Variants in HSP90B1 observed in about 807,000 individuals in gnomAD.
HSP90B1 encodes the protein endoplasmin.
HSP90B1 carries 27 observed loss-of-function variants against 100.4 expected under a neutral mutation model. The ratio of observed to expected loss-of-function variants is 0.27; its 90% CI spans 0.20 to 0.37. The LOEUF (loss-of-function observed/expected upper bound fraction) is 0.37, where lower values mean the gene tolerates loss of function less well. Ranked by LOEUF, HSP90B1 falls within the 10% of genes least tolerant of loss-of-function variation. HSP90B1 has a pLI of 1.00. For synonymous variants in HSP90B1, 304 were observed against 330.8 expected, an observed-to-expected ratio of 0.92 and a Z score of 0.88; for missense variants, 678 against 960.5, an observed-to-expected ratio of 0.71 and a Z score of 3.89.
rs1440591391 is a variant in HSP90B1 at position 103,932,211 on chromosome 12, A to G, written c.153-66A>G. The G allele has an allele frequency of 1.9e-5, 26 of 1,368,848 alleles. 1 individual carries two copies. The South Asian group carries it at 2.1e-4, about 11-fold the overall frequency. The allele number at this position is 1,368,848 out of a possible 1,614,324, so 84.8% of individuals were successfully genotyped here. ...ATTCAGAGGCCCCTGTGCTTTCATC[A>G]TAATTCCTCTAGTTTTGAAGGGAAC... On this transcript the variant is annotated intron_variant, in intron 2 of 17. Coordinates refer to ENST00000299767, the MANE Select transcript of HSP90B1 (RefSeq NM_003299.3).
rs781550205 is a variant in HSP90B1 at position 103,934,318 on chromosome 12, A to G, written c.743+31A>G. The stretch of plus-strand genomic sequence containing the variant: ...TATGACCAATTCCTTATAAGAATTA[A>G]TAGTCATGGTGAGGATCTTGACTCT... On this transcript the variant is annotated intron_variant, in intron 5 of 17. Coordinates refer to ENST00000299767, the MANE Select transcript of HSP90B1 (RefSeq NM_003299.3). 3.3e-6 allele frequency: 5 copies of G among 1,528,552 alleles called. No homozygotes were observed. The East Asian group carries it at 9.0e-5, about 28-fold the overall frequency. 94.7% of individuals were successfully genotyped at this position (1,528,552 alleles called of 1,614,324 possible).
At position 103,932,388 on chromosome 12, in the gene HSP90B1, TATC is replaced by T; in HGVS notation, c.269_271del (p.Ile90del). On this transcript the variant is annotated inframe_deletion, in exon 3 of 18. Coordinates refer to ENST00000299767, the MANE Select transcript of HSP90B1 (RefSeq NM_003299.3). ...CCGAAGTTAACAGAATGATGAAACT[TATC>T]ATCAATTCATTGTATAAAAATAAAG... The T allele has an allele frequency of 6.2e-7, 1 of 1,612,680 alleles. No homozygotes were observed. The highest frequency in any genetic ancestry group is 8.5e-7 in the Non-Finnish European group (1 of 1,179,284).
chr12:103,931,467 C>A, intron 1 of HSP90B1, 54 bp from the exon 2 acceptor site: 2 of 1,402,924 alleles, frequency 1.4e-6, no homozygotes, highest in Non-Finnish European at 2.0e-6. Flanking sequence ...CCTATTTGAT[C>A]ATCCTCCTTG....
At chr12:103,931,983 G>A (rs1472411781) in intron 2 of HSP90B1, 1 of 451,946 alleles carries the variant, frequency 2.2e-6, no homozygotes, top group Admixed American at 3.6e-5. Flanking sequence ...CTTATTGACA[G>A]TTTTGAAGTC....
rs1361753541 is a variant in HSP90B1, at chr12:103,940,377, T to C, written c.1092+752T>C. ...TCTTTTATTGATCCCTTCTTGTAACTCTTAAGGATGCAAAACTAGCATTGA... is the reference window on the plus strand; with the variant it reads ...TCTTTTATTGATCCCTTCTTGTAACCCTTAAGGATGCAAAACTAGCATTGA... On this transcript the variant is annotated intron_variant, in intron 8 of 17. Transcript: ENST00000299767. Among the ~76,000 whole-genome samples, 3 of 152,134 alleles carry C rather than the reference T, an allele frequency of 2.0e-5. No individual in the cohort carries two copies. In the East Asian group the frequency reaches 5.8e-4, roughly 29 times the overall value.
chr12:103,938,560 T>G, intron 7 of HSP90B1, 101 bp downstream of exon 7: 1 of 1,325,570 alleles, frequency 7.5e-7, no homozygotes, highest in African/African-American at 1.5e-5. Flanking sequence ...TCAGCTTCAG[T>G]TCAGGTGCTA....
At chr12:103,947,008 C>G in intron 16 of HSP90B1, 67 bp downstream of exon 16, 3 of 1,497,126 alleles carry the variant, frequency 2.0e-6, no homozygotes, top group Non-Finnish European at 2.7e-6. Context: ...TCAGAATAGG[C>G]CTCTCATGAT....
intron 2 of HSP90B1, 90 bp from the exon 3 acceptor site, chr12:103,932,187 T>C (rs1052106681): frequency 7.0e-5 from 74 of 1,050,636 alleles, no homozygotes; most frequent in Middle Eastern, 3.2e-4. Context: ...CAAGACAATA[T>C]TCAGAGGCCC....
Position 103,933,982 on chromosome 12 carries a change from T to C in HSP90B1, c.438T>C (p.His146=), listed in dbSNP as rs1869835139. The C allele has an allele frequency of 5.0e-6, 8 of 1,613,740 alleles. No homozygotes were observed. In the East Asian group the frequency reaches 1.8e-4, roughly 36 times the overall value. ...IKCDKEKNLL[H]VTDTGVGMTR... is the part of the protein sequence containing the mutation. ...GTGATAAGGAGAAGAACCTGCTGCA[T>C]GTCACAGACACCGGTGTAGGAATGA... The change falls in exon 5 of 18, where the codon CAT becomes CAC. Residue 146 remains histidine (H), a synonymous_variant. Transcript: ENST00000299767.
intron 5 of HSP90B1, among the ~76,000 whole-genome samples, chr12:103,936,622 CAAAA>C (rs10611658): frequency 0.044 from 5,196 of 116,802 alleles, 347 homozygotes; most frequent in African/African-American, 0.15. Flanking sequence ...GACAGAGGTC[CAAAA>C]AAAAAAAAAA....
At chr12:103,946,163 T>C (rs997623947) in intron 14 of HSP90B1, among the ~76,000 whole-genome samples, 1 of 152,230 alleles carries the variant, frequency 6.6e-6, no homozygotes, top group Non-Finnish European at 1.5e-5. Flanking sequence ...TTTTTTATTT[T>C]TTTCTTGTTT....
At chr12:103,932,250 A>G (rs773603890) in intron 2 of HSP90B1, 27 bp from the exon 3 acceptor site, 18 of 1,587,686 alleles carry the variant, frequency 1.1e-5, no homozygotes, top group Non-Finnish European at 1.5e-5. Context: ...GCCATGCAAT[A>G]TTTGCTTACC....
Position 103,930,858 on chromosome 12 carries a change from C to A in HSP90B1, c.49+294C>A, listed in dbSNP as rs1869731145. Among the ~76,000 whole-genome samples the A allele has an allele frequency of 6.6e-6, 1 of 151,724 alleles. No individual in the cohort carries two copies. The highest frequency in any genetic ancestry group is 2.4e-5 in the African/African-American group (1 of 41,268). ...GGCTCTGGCTCCCCCGGGAGCTGTGCGAGTCCCTCCCCCCTCCCCGCCCGG... is the reference window on the plus strand; with the variant it reads ...GGCTCTGGCTCCCCCGGGAGCTGTGAGAGTCCCTCCCCCCTCCCCGCCCGG... On this transcript the variant is annotated intron_variant, in intron 1 of 17. Transcript: ENST00000299767. The surrounding 1 kb of genome is among the most constrained non-coding windows in gnomAD (Gnocchi z 4.4).
intron 17 of HSP90B1, 42 bp from the exon 18 acceptor site, chr12:103,947,591 C>A: frequency 6.4e-7 from 1 of 1,552,948 alleles, no homozygotes. Flanking sequence ...TTTTTTTCTG[C>A]TAACTTTTAA....
chr12:103,931,640 A>G lies in HSP90B1; in HGVS notation c.152+17A>G. The G allele has an allele frequency of 4.5e-6, 7 of 1,543,024 alleles. No individual in the cohort carries two copies. Among genetic ancestry groups the G allele is most frequent in the Non-Finnish European group, 5.4e-6 (6 of 1,116,306 alleles). ...AGTACAGAGGTTTGTGTTCATTTGAACTTACGTATACAGATAAGCCGTGTG... is the reference window on the plus strand; with the variant it reads ...AGTACAGAGGTTTGTGTTCATTTGAGCTTACGTATACAGATAAGCCGTGTG... On this transcript the variant is annotated intron_variant, in intron 2 of 17. Transcript: ENST00000299767.
In HSP90B1 at chr12:103,942,797, G is replaced by GTGA. The variant is rs1177807971; in HGVS notation, c.1644+2_1644+4dup. On this transcript the variant is annotated splice_donor_variant, in intron 12 of 17. Transcript: ENST00000299767. LOFTEE classifies it high-confidence loss of function. ...CATGGCTGGGTCCAGCAGAAAAGAGGTGAGATGAACTCATAAGTGTTGTCA... is the reference window on the plus strand; with the variant it reads ...CATGGCTGGGTCCAGCAGAAAAGAGGTGATGAGATGAACTCATAAGTGTTGTCA... 1.2e-6 allele frequency: 2 copies of GTGA among 1,613,722 alleles called. No individual in the cohort carries two copies. The highest frequency in any genetic ancestry group is 1.7e-6 in the Non-Finnish European group (2 of 1,179,726).
intron 14 of HSP90B1, among the ~76,000 whole-genome samples, chr12:103,945,380 A>G (rs1870196911): frequency 6.6e-6 from 1 of 152,200 alleles, no homozygotes; most frequent in Non-Finnish European, 1.5e-5. Flanking sequence ...ACACCAGGAT[A>G]GGGAAGGATG....
At position 103,941,312 on chromosome 12, in the gene HSP90B1, A is replaced by G. The variant is rs1870070298; in HGVS notation, c.1093-98A>G. The G allele has an allele frequency of 2.2e-5, 28 of 1,257,762 alleles. No individual in the cohort carries two copies. In the South Asian group the frequency reaches 4.6e-4, roughly 20 times the overall value. 77.9% of individuals were successfully genotyped at this position (1,257,762 alleles called of 1,614,324 possible). A position where few individuals can be genotyped will look rare whatever the true frequency, so the allele number is the denominator to read the frequency against. On this transcript the variant is annotated intron_variant, in intron 8 of 17. Coordinates refer to ENST00000299767, the MANE Select transcript of HSP90B1 (RefSeq NM_003299.3). ...GTAAAGGAAAATTTTTTGTTAGTTAATTGCTAAACTGAATATGTACCACAT... is the reference window on the plus strand; with the variant it reads ...GTAAAGGAAAATTTTTTGTTAGTTAGTTGCTAAACTGAATATGTACCACAT...
chr12:103,944,956 A>T (rs745404962), intron 14 of HSP90B1, among the ~76,000 whole-genome samples: 1 of 152,248 alleles, frequency 6.6e-6, no homozygotes, highest in Non-Finnish European at 1.5e-5. Context: ...TCATGCAGAG[A>T]ATAGTGTTCT....
Sources: allele counts gnomAD v4.1 joint callset (sites outside exome capture counted in the v4.1 genomes callset), GRCh38; gene constraint gnomAD v4.1.1; non-coding constraint Gnocchi (gnomAD v3.1); transcripts MANE v1.5; gene names NCBI Gene and HGNC (gene_info 2026-07-23, HGNC 2026-07-21).